RABGAP1L: variants seen among roughly 807,000 people sequenced by gnomAD.
RABGAP1L encodes RAB GTPase activating protein 1 like.
RABGAP1L carries 63 observed loss-of-function variants against 137.7 expected under a neutral mutation model. The observed-to-expected ratio is 0.46, with a 90% confidence interval of 0.37 to 0.56. The LOEUF (loss-of-function observed/expected upper bound fraction) is 0.56, where lower values mean the gene tolerates loss of function less well. RABGAP1L is among the 20% of genes least tolerant of loss of function. RABGAP1L has a pLI of 0.00. For missense variants in RABGAP1L, 1,095 were observed against 1,244.0 expected, an observed-to-expected ratio of 0.88 and a Z score of 1.80; for synonymous variants, 431 against 433.7, an observed-to-expected ratio of 0.99 and a Z score of 0.08.
At chr1:174,887,387 T>C (rs1485095488) in intron 19 of RABGAP1L, among the ~76,000 whole-genome samples, 1 of 152,174 alleles carries the variant, frequency 6.6e-6, no homozygotes, top group African/African-American at 2.4e-5. Flanking sequence ...CATCAAAAAA[T>C]GACATATACT....
At chr1:174,874,578 CTTTTT>C (rs10530813) in intron 19 of RABGAP1L, 1,532 of 231,866 alleles carry the variant, frequency 6.6e-3, no homozygotes, top group Middle Eastern at 0.013. Flanking sequence ...ACACCACTGC[CTTTTT>C]TTTTTTTTTT....
intron 3 of RABGAP1L, among the ~76,000 whole-genome samples, chr1:174,224,176 T>G (rs1332360976): frequency 6.6e-6 from 1 of 152,146 alleles, no homozygotes. Context: ...CATATCATTA[T>G]AGAAAAATTT....
At chr1:174,863,529 C>T (rs1400419316) in intron 19 of RABGAP1L, among the ~76,000 whole-genome samples, 10 of 151,152 alleles carry the variant, frequency 6.6e-5, no homozygotes, top group East Asian at 2.0e-4. Flanking sequence ...AAAAATTAGC[C>T]GGGCATGGTG....
intron 19 of RABGAP1L, among the ~76,000 whole-genome samples, chr1:174,917,839 A>T (rs1558230576): frequency 1.3e-5 from 2 of 151,564 alleles, no homozygotes; most frequent in African/African-American, 4.8e-5. Flanking sequence ...AGGCTGAGGC[A>T]GGAGAATTGC....
intron 14 of RABGAP1L, among the ~76,000 whole-genome samples, chr1:174,660,989 A>C (rs1263466225): frequency 6.6e-6 from 1 of 152,158 alleles, no homozygotes; most frequent in South Asian, 2.1e-4. Flanking sequence ...TGTCCATTTT[A>C]TTCATTGCTT....
intron 23 of RABGAP1L, among the ~76,000 whole-genome samples, chr1:174,981,452 G>A (rs577032398): frequency 6.6e-6 from 1 of 151,376 alleles, no homozygotes; most frequent in Admixed American, 6.6e-5. Flanking sequence ...AGTAGACTGG[G>A]TGGGATTTTT....
Position 174,991,193 on chromosome 1 carries a change from T to C in RABGAP1L, c.*1192T>C, listed in dbSNP as rs1672031181. 6.6e-6 allele frequency: 1 copy of C among 152,240 alleles called. No homozygotes were observed. Among genetic ancestry groups the C allele is most frequent in the Non-Finnish European group, 1.5e-5 (1 of 68,032 alleles). The allele number at this position is 152,240 out of a possible 1,614,324, so 9.4% of individuals were successfully genotyped here. A position where few individuals can be genotyped will look rare whatever the true frequency, so the allele number is the denominator to read the frequency against. ...AAATTAGTGGAAATATTTTTTCAATTATATTTAACATGCCTATAAAAATAG... is the reference window on the plus strand; with the variant it reads ...AAATTAGTGGAAATATTTTTTCAATCATATTTAACATGCCTATAAAAATAG... On this transcript the variant is annotated 3_prime_UTR_variant, in exon 26 of 26. Transcript: ENST00000681986.
intron 18 of RABGAP1L, among the ~76,000 whole-genome samples, chr1:174,801,126 C>G (rs1039325296): frequency 3.9e-5 from 6 of 152,130 alleles, no homozygotes; most frequent in African/African-American, 1.4e-4. Flanking sequence ...AGAAAAATCA[C>G]CCTTCCTCAT....
At chr1:174,505,108 A>G (rs1480709370) in intron 13 of RABGAP1L, among the ~76,000 whole-genome samples, 1 of 152,206 alleles carries the variant, frequency 6.6e-6, no homozygotes, top group African/African-American at 2.4e-5. Context: ...ATATAAAAAA[A>G]TGTTCAGTGC....
intron 13 of RABGAP1L, among the ~76,000 whole-genome samples, chr1:174,618,611 G>C (rs1457670652): frequency 2.0e-5 from 3 of 152,088 alleles, no homozygotes; most frequent in East Asian, 3.9e-4. Context: ...CTAACAAACA[G>C]AAAGGACATC....
chr1:174,969,477 G>C, intron 21 of RABGAP1L, 90 bp downstream of exon 21: 1 of 977,934 alleles, frequency 1.0e-6, no homozygotes, highest in South Asian at 1.5e-5. Flanking sequence ...CTTTGTTCTT[G>C]ACTTTGTTCT....
chr1:174,393,127 G>C (rs1291971553), intron 12 of RABGAP1L, among the ~76,000 whole-genome samples: 1 of 152,092 alleles, frequency 6.6e-6, no homozygotes, highest in African/African-American at 2.4e-5. Flanking sequence ...TTGTTCTGAC[G>C]CTGCACACCT....
chr1:174,708,186 C>T (rs1170670181), intron 17 of RABGAP1L, among the ~76,000 whole-genome samples: 1 of 152,108 alleles, frequency 6.6e-6, no homozygotes, highest in African/African-American at 2.4e-5. Flanking sequence ...TTAAATATCA[C>T]CAGGTATAAT....
At chr1:174,305,233 C>G (rs1402920503) in intron 11 of RABGAP1L, 106 bp downstream of exon 11, 1 of 1,195,592 alleles carries the variant, frequency 8.4e-7, no homozygotes, top group Non-Finnish European at 1.1e-6. Flanking sequence ...TTATTCCTAA[C>G]CTCTGTTACC....
intron 13 of RABGAP1L, among the ~76,000 whole-genome samples, chr1:174,529,512 A>G (rs2147880222): frequency 6.6e-6 from 1 of 152,146 alleles, no homozygotes; most frequent in African/African-American, 2.4e-5. Context: ...ATAGTTCAGT[A>G]TTTGGGGCCT....
Position 174,962,196 on chromosome 1 carries a change from A to ACCC in RABGAP1L, c.2433+4655_2433+4657dup, listed in dbSNP as rs146127956. Among the ~76,000 whole-genome samples the ACCC allele has an allele frequency of 3.1e-3, 241 of 77,826 alleles. 11 individuals carry two copies. The highest frequency in any genetic ancestry group is 3.2e-3 in the Non-Finnish European group (141 of 44,170). 51.1% of individuals were successfully genotyped at this position (77,826 alleles called of 152,430 possible). A position where few individuals can be genotyped will look rare whatever the true frequency, so the allele number is the denominator to read the frequency against. ...TCTCAAAAAATAAAAATAAAAATAC[A>ACCC]CCCCCCCCCCACACACACACACAGC... On this transcript the variant is annotated intron_variant, in intron 20 of 25. Transcript: ENST00000681986.
intron 18 of RABGAP1L, among the ~76,000 whole-genome samples, chr1:174,790,368 A>T (rs1687757972): frequency 6.6e-6 from 1 of 152,200 alleles, no homozygotes; most frequent in African/African-American, 2.4e-5. Flanking sequence ...TAATGCCTGT[A>T]ATCCTAGCAC....
At position 174,565,809 on chromosome 1, in the gene RABGAP1L, GT is replaced by G. The variant is rs1166579072; in HGVS notation, c.1711-71564del. Among the ~76,000 whole-genome samples, 5 of 151,534 alleles carry G rather than the reference GT, an allele frequency of 3.3e-5. 1 individual carries two copies. The highest frequency in any genetic ancestry group is 1.2e-4 in the African/African-American group (5 of 41,318). On this transcript the variant is annotated intron_variant, in intron 13 of 25. Coordinates refer to ENST00000681986, the MANE Select transcript of RABGAP1L (RefSeq NM_001366446.1). Reference sequence around the variant, plus strand: ...TTAATAATTTCTCATTCCTGATTAGGTTAAATTTCTTTACAATTCATTCCAA... The same window carrying G: ...TTAATAATTTCTCATTCCTGATTAGGTAAATTTCTTTACAATTCATTCCAA...
chr1:174,633,093 G>T (rs1001335582), intron 13 of RABGAP1L, among the ~76,000 whole-genome samples: 1 of 151,880 alleles, frequency 6.6e-6, no homozygotes, highest in African/African-American at 2.4e-5. Flanking sequence ...AAGTCAAATT[G>T]TCCCTGTTTG....
Sources: allele counts gnomAD v4.1 joint callset (sites outside exome capture counted in the v4.1 genomes callset), GRCh38; gene constraint gnomAD v4.1.1; transcripts MANE v1.5; gene names NCBI Gene and HGNC (gene_info 2026-07-23, HGNC 2026-07-21).